Variants in CACNA2D3 observed in about 807,000 individuals in gnomAD.
CACNA2D3 encodes the protein calcium voltage-gated channel auxiliary subunit alpha2delta 3.
In CACNA2D3, 60 loss-of-function variants were observed where a neutral mutation model predicts 160.6. The observed-to-expected ratio is 0.37, with a 90% CI of 0.30 to 0.46. CACNA2D3 has a LOEUF of 0.46. Ranked by LOEUF, CACNA2D3 falls within the 20% of genes least tolerant of loss-of-function variation. The probability of loss-of-function intolerance (pLI) is 1.00; values close to 1 mark genes in which losing one functional copy is unlikely to be tolerated. For synonymous variants in CACNA2D3, 558 were observed against 492.9 expected (o/e 1.13, Z -1.75); for missense variants, 1,205 against 1,365.0 (o/e 0.88, Z 1.85).
chr3:54,451,647 C>T (rs1700310847), intron 4 of CACNA2D3, among the ~76,000 whole-genome samples: 1 of 152,138 alleles, frequency 6.6e-6, no homozygotes, highest in Non-Finnish European at 1.5e-5. Context: ...TTTTTGCTAA[C>T]TGGATAGACT....
At chr3:54,288,900 G>C (rs1177491515) in intron 2 of CACNA2D3, among the ~76,000 whole-genome samples, 1 of 152,106 alleles carries the variant, frequency 6.6e-6, no homozygotes, top group African/African-American at 2.4e-5. Context: ...CAAGAAATTA[G>C]GTATTGATGG....
chr3:54,601,953 T>TA (rs1575374098), intron 9 of CACNA2D3, among the ~76,000 whole-genome samples: 1 of 151,834 alleles, frequency 6.6e-6, no homozygotes, highest in Non-Finnish European at 1.5e-5. Flanking sequence ...AGAAAAAAAA[T>TA]ACTGTTTTCT....
intron 4 of CACNA2D3, among the ~76,000 whole-genome samples, chr3:54,412,660 C>T (rs555965521): frequency 5.9e-5 from 7 of 117,980 alleles, no homozygotes; most frequent in Middle Eastern, 6.3e-3. Flanking sequence ...ATGGTTTAGT[C>T]ATTTACACTT....
chr3:55,024,491 A>T (rs370806798), intron 35 of CACNA2D3, among the ~76,000 whole-genome samples: 1 of 152,090 alleles, frequency 6.6e-6, no homozygotes, highest in South Asian at 2.1e-4. Context: ...CTCTGCCCTT[A>T]TGAAAGGTAT....
intron 3 of CACNA2D3, among the ~76,000 whole-genome samples, chr3:54,346,159 A>G (rs1045406337): frequency 6.6e-6 from 1 of 152,230 alleles, no homozygotes; most frequent in South Asian, 2.1e-4. Context: ...ATTCCTGGTG[A>G]TTCATTTGTA....
At chr3:54,851,686 G>A (rs1304442590) in intron 17 of CACNA2D3, among the ~76,000 whole-genome samples, 1 of 152,182 alleles carries the variant, frequency 6.6e-6, no homozygotes, top group Non-Finnish European at 1.5e-5. Flanking sequence ...AGCTGCCTAT[G>A]TAATTTCAAA....
At chr3:55,051,967 T>C (rs71308073) in intron 35 of CACNA2D3, among the ~76,000 whole-genome samples, 24,114 of 152,120 alleles carry the variant, frequency 0.16, 2,060 homozygotes, top group African/African-American at 0.18. Flanking sequence ...CTTCGCCTCG[T>C]GCACGGTGCA....
intron 11 of CACNA2D3, among the ~76,000 whole-genome samples, chr3:54,669,943 C>A (rs1400508027): frequency 1.3e-5 from 2 of 151,920 alleles, no homozygotes; most frequent in Admixed American, 1.3e-4. Flanking sequence ...GCCACTGCAC[C>A]CATCCTGGTG....
intron 4 of CACNA2D3, among the ~76,000 whole-genome samples, chr3:54,463,822 G>T (rs541010664): frequency 3.7e-4 from 56 of 152,198 alleles, no homozygotes; most frequent in Non-Finnish European, 7.3e-4. Context: ...GAGGAACTGC[G>T]TTCTTTTGGA....
intron 13 of CACNA2D3, among the ~76,000 whole-genome samples, chr3:54,799,531 G>C (rs1702938125): frequency 6.6e-6 from 1 of 152,146 alleles, no homozygotes; most frequent in Non-Finnish European, 1.5e-5. Flanking sequence ...CAGTTTGTCA[G>C]CTCTCTGCAG....
At chr3:54,805,969 A>C (rs1184319442) in intron 13 of CACNA2D3, among the ~76,000 whole-genome samples, 1 of 152,324 alleles carries the variant, frequency 6.6e-6, no homozygotes, top group Non-Finnish European at 1.5e-5. Flanking sequence ...TTATCTCAAT[A>C]GATGCAGAAA....
chr3:54,128,179 A>G (rs1294756744), intron 2 of CACNA2D3, among the ~76,000 whole-genome samples: 1 of 152,178 alleles, frequency 6.6e-6, no homozygotes, highest in Non-Finnish European at 1.5e-5. Flanking sequence ...AATTAATTCT[A>G]ACACTACTGC....
intron 5 of CACNA2D3, among the ~76,000 whole-genome samples, chr3:54,533,315 G>A (rs941741075): frequency 7.1e-6 from 1 of 141,536 alleles, no homozygotes; most frequent in Admixed American, 7.3e-5. Flanking sequence ...ATGGGCTAAC[G>A]TATTTTCTTT....
chr3:54,402,800 C>T (rs1699493935), intron 4 of CACNA2D3, among the ~76,000 whole-genome samples: 1 of 152,168 alleles, frequency 6.6e-6, no homozygotes, highest in Non-Finnish European at 1.5e-5. Context: ...ATATACACAA[C>T]TTTCCATCCA....
chr3:54,431,841 C>G (rs911353911), intron 4 of CACNA2D3, among the ~76,000 whole-genome samples: 1 of 152,140 alleles, frequency 6.6e-6, no homozygotes, highest in Non-Finnish European at 1.5e-5. Flanking sequence ...CTCCTGTCCT[C>G]AAGTGAACCA....
intron 13 of CACNA2D3, among the ~76,000 whole-genome samples, chr3:54,815,893 T>C (rs1466150625): frequency 6.6e-6 from 1 of 152,188 alleles, no homozygotes; most frequent in Non-Finnish European, 1.5e-5. Flanking sequence ...TTAGATTGGG[T>C]ATTTAATACA....
At chr3:54,519,717 G>A (rs1339598988) in intron 5 of CACNA2D3, among the ~76,000 whole-genome samples, 1 of 152,210 alleles carries the variant, frequency 6.6e-6, no homozygotes, top group Non-Finnish European at 1.5e-5. Context: ...ATATATTTCT[G>A]TATAATGGAT....
At chr3:54,674,186 A>C (rs1012362037) in intron 11 of CACNA2D3, among the ~76,000 whole-genome samples, 2 of 152,242 alleles carry the variant, frequency 1.3e-5, no homozygotes, top group Non-Finnish European at 2.9e-5. Flanking sequence ...TTTAGCCAGC[A>C]AAAGCTTTGA....
intron 9 of CACNA2D3, among the ~76,000 whole-genome samples, chr3:54,607,993 G>C (rs543038168): frequency 1.1e-4 from 13 of 115,288 alleles, no homozygotes; most frequent in Non-Finnish European, 2.0e-4. Flanking sequence ...GTGGTTTCCA[G>C]GGACTAGGAG....
Sources: allele counts gnomAD v4.1 joint callset (sites outside exome capture counted in the v4.1 genomes callset), GRCh38; gene constraint gnomAD v4.1.1; transcripts MANE v1.5; gene names NCBI Gene and HGNC (gene_info 2026-07-23, HGNC 2026-07-21).